MMD2: variants seen among roughly 807,000 people sequenced by gnomAD.
MMD2 encodes the protein monocyte to macrophage differentiation factor 2.
A neutral mutation model predicts 33.5 loss-of-function variants in MMD2; 30 were observed. The observed-to-expected ratio is 0.90, with a 90% confidence interval of 0.67 to 1.22. The LOEUF is 1.22. MMD2 is among the 50% of genes most tolerant of loss of function. The probability of loss-of-function intolerance (pLI) is 0.00; values close to 1 mark genes in which losing one functional copy is unlikely to be tolerated. For missense variants in MMD2, 364 were observed against 325.4 expected (o/e 1.12, Z -0.91); for synonymous variants, 129 against 123.0 (o/e 1.05, Z -0.32).
chr7:4,958,539 G>C (rs1399194968), intron 1 of MMD2, among the ~76,000 whole-genome samples: 1 of 152,154 alleles, frequency 6.6e-6, no homozygotes. Context: ...GGTGGACAGA[G>C]GTGGTACCAA....
intron 5 of MMD2, among the ~76,000 whole-genome samples, chr7:4,910,555 AG>A (rs1297645640): frequency 6.6e-6 from 1 of 152,138 alleles, no homozygotes; most frequent in East Asian, 1.9e-4. Context: ...TAATTTAGGT[AG>A]GGCAGGTGGC....
intron 3 of MMD2, 114 bp from the exon 4 acceptor site, chr7:4,916,193 C>A: frequency 1.1e-6 from 1 of 911,950 alleles, no homozygotes; most frequent in Non-Finnish European, 1.7e-6. Flanking sequence ...CAGGGCTGGG[C>A]TCCTCTGTCC....
chr7:4,902,496 G>A (rs1784807826), downstream of MMD2, among the ~76,000 whole-genome samples: 1 of 152,156 alleles, frequency 6.6e-6, no homozygotes, highest in African/African-American at 2.4e-5. Flanking sequence ...TTACCCCACG[G>A]GGGGAGTCTG....
chr7:4,939,453 G>A (rs1219593745), intron 1 of MMD2, among the ~76,000 whole-genome samples: 2 of 151,872 alleles, frequency 1.3e-5, no homozygotes, highest in African/African-American at 2.4e-5. Flanking sequence ...TGAGGTGGGA[G>A]AATAGCTTGA....
intron 1 of MMD2, among the ~76,000 whole-genome samples, chr7:4,950,858 C>A (rs1786223794): frequency 6.6e-6 from 1 of 151,990 alleles, no homozygotes; most frequent in African/African-American, 2.4e-5. Context: ...GGATTACAGG[C>A]ATGCACCACC....
At chr7:4,924,865 C>T (rs575052008) in intron 2 of MMD2, among the ~76,000 whole-genome samples, 15 of 152,162 alleles carry the variant, frequency 9.9e-5, no homozygotes, top group East Asian at 7.7e-4. Flanking sequence ...CGTGGACAGA[C>T]GGGCTAGGAG....
chr7:4,931,949 G>C (rs1214645928), intron 1 of MMD2, among the ~76,000 whole-genome samples: 3 of 152,190 alleles, frequency 2.0e-5, no homozygotes, highest in African/African-American at 7.2e-5. Context: ...TGGGCAGGGA[G>C]TCCGGAGACC....
At chr7:4,931,252 C>A (rs1041492651) in intron 1 of MMD2, among the ~76,000 whole-genome samples, 2 of 152,220 alleles carry the variant, frequency 1.3e-5, no homozygotes, top group African/African-American at 4.8e-5. Context: ...CTCGAGCAAT[C>A]CTCCCACCTC....
Position 4,911,172 on chromosome 7 carries a change from G to T in MMD2, c.440C>A (p.Thr147Asn), listed in dbSNP as rs781489416. 8.2e-6 allele frequency: 13 copies of T among 1,594,322 alleles called. No homozygotes were observed. Among genetic ancestry groups the T allele is most frequent in the Non-Finnish European group, 1.0e-5 (12 of 1,171,308 alleles). Residue 147 changes from threonine (T) to asparagine (N), a missense_variant, in exon 5 of 7, where the codon ACC becomes AAC. Thr to Asn is a moderately conservative substitution (Grantham distance 65). Transcript: ENST00000401401. ...WLVWIMASVG[T>N]IYVFFFHERY... ...CTCATGGAAGAAGAAGACATAGATG[G>T]TGCCCACGGAAGCCATAATCCAGAC...
At chr7:4,909,641 G>T in intron 6 of MMD2, 1 of 694,640 alleles carries the variant, frequency 1.4e-6, no homozygotes, top group Non-Finnish European at 2.6e-6. Context: ...TTGCTATGTT[G>T]CCCAGGCTGG....
At chr7:4,929,571 C>G (rs1193161915) in intron 1 of MMD2, among the ~76,000 whole-genome samples, 1 of 151,794 alleles carries the variant, frequency 6.6e-6, no homozygotes, top group Non-Finnish European at 1.5e-5. Context: ...GTCGCCCAGG[C>G]TGGAGTGCAA....
downstream of MMD2, among the ~76,000 whole-genome samples, chr7:4,903,348 G>A (rs1173607503): frequency 1.3e-5 from 2 of 151,660 alleles, no homozygotes; most frequent in Non-Finnish European, 2.9e-5. Context: ...CCCTGCCCAC[G>A]ACCAAAGTGA....
At chr7:4,896,360 G>A in the MMD2 span, among the ~76,000 whole-genome samples, 1 of 152,140 alleles carries the variant, frequency 6.6e-6, no homozygotes, top group Non-Finnish European at 1.5e-5. Flanking sequence ...TATGCCTGTA[G>A]TCCCAGTTAC....
intron 1 of MMD2, among the ~76,000 whole-genome samples, chr7:4,932,758 G>A (rs1785626107): frequency 1.3e-5 from 2 of 151,856 alleles, no homozygotes; most frequent in African/African-American, 4.8e-5. Context: ...GAGTATCTGG[G>A]ATTACAGGCA....
intron 1 of MMD2, among the ~76,000 whole-genome samples, chr7:4,951,332 G>T (rs954886789): frequency 6.6e-6 from 1 of 151,964 alleles, no homozygotes; most frequent in African/African-American, 2.4e-5. Context: ...AGAGCCCATG[G>T]AACAGTGGTC....
chr7:4,944,760 CTTTTTTT>C (rs142716643), intron 1 of MMD2, among the ~76,000 whole-genome samples: 1 of 75,276 alleles, frequency 1.3e-5, no homozygotes, highest in Non-Finnish European at 2.3e-5. Context: ...TCTTCTTCTT[CTTTTTTT>C]TTTTTTTTTT....
At chr7:4,941,467 T>G (rs554037303) in intron 1 of MMD2, among the ~76,000 whole-genome samples, 24 of 152,136 alleles carry the variant, frequency 1.6e-4, no homozygotes, top group Admixed American at 1.1e-3. Context: ...CTGTCTCTAC[T>G]AAAAATACAA....
intron 1 of MMD2, among the ~76,000 whole-genome samples, chr7:4,944,403 G>A (rs927646371): frequency 2.0e-5 from 3 of 152,146 alleles, no homozygotes; most frequent in Non-Finnish European, 4.4e-5. Flanking sequence ...GGGAGCCAGG[G>A]GTGAGCCCAC....
chr7:4,917,931 G>A (rs1314505477), intron 3 of MMD2, among the ~76,000 whole-genome samples: 1 of 152,148 alleles, frequency 6.6e-6, no homozygotes, highest in East Asian at 1.9e-4. Flanking sequence ...AAATGATGGT[G>A]TGTGGTTCCT....
Sources: allele counts gnomAD v4.1 joint callset (sites outside exome capture counted in the v4.1 genomes callset), GRCh38; gene constraint gnomAD v4.1.1; transcripts MANE v1.5; gene names NCBI Gene and HGNC (gene_info 2026-07-23, HGNC 2026-07-21).